The following CEP128 variants were observed in gnomAD, a reference collection of about 807,000 sequenced individuals.
CEP128 encodes centrosomal protein 128.
Under a neutral mutation model 156.7 loss-of-function variants are expected in CEP128, and 132 were observed. That is an observed-to-expected ratio of 0.84 (90% CI 0.73 to 0.97). The LOEUF is 0.97. Among genes scored for constraint, CEP128 ranks in the 50% least tolerant of loss-of-function variants. The pLI is 0.00. For synonymous variants in CEP128, 469 were observed against 448.9 expected (o/e 1.04, Z -0.57); for missense variants, 1,252 against 1,281.9 (o/e 0.98, Z 0.36).
At chr14:80,510,063 T>G (rs372892035) in intron 23 of CEP128, among the ~76,000 whole-genome samples, 26 of 152,190 alleles carry the variant, frequency 1.7e-4, no homozygotes, top group African/African-American at 5.5e-4. Context: ...ATGTGATTCC[T>G]CCAGCTTGGT....
At chr14:80,571,803 C>CA (rs35580958) in intron 20 of CEP128, among the ~76,000 whole-genome samples, 17 of 133,790 alleles carry the variant, frequency 1.3e-4, no homozygotes, top group South Asian at 5.0e-4. Flanking sequence ...CAAATCAGAA[C>CA]AAAAAAAAAG....
chr14:80,892,079 G>T (rs74894132), intron 8 of CEP128, among the ~76,000 whole-genome samples: 12,599 of 151,154 alleles, frequency 0.083, 585 homozygotes, highest in African/African-American at 0.11. Flanking sequence ...CCTAAAATTT[G>T]TATGGAAACA....
At chr14:80,810,910 C>T (rs1417245537) in intron 13 of CEP128, among the ~76,000 whole-genome samples, 1 of 152,144 alleles carries the variant, frequency 6.6e-6, no homozygotes, top group Admixed American at 6.6e-5. Context: ...GTTTAGCATG[C>T]ATTAGCTATT....
At chr14:80,509,678 C>CACA (rs1242029957) in intron 23 of CEP128, among the ~76,000 whole-genome samples, 3 of 152,118 alleles carry the variant, frequency 2.0e-5, no homozygotes, top group African/African-American at 7.2e-5. Flanking sequence ...GTTGCCTGTA[C>CACA]TTCTGGGGTA....
intron 20 of CEP128, among the ~76,000 whole-genome samples, chr14:80,566,034 C>G (rs1890893917): frequency 6.6e-6 from 1 of 152,148 alleles, no homozygotes; most frequent in African/African-American, 2.4e-5. Context: ...TAGAATAATT[C>G]TGGCAACTTC....
intron 13 of CEP128, among the ~76,000 whole-genome samples, chr14:80,802,880 A>G (rs1313176868): frequency 6.6e-6 from 1 of 152,214 alleles, no homozygotes; most frequent in East Asian, 1.9e-4. Context: ...CCTTTTAAAC[A>G]GGAATGGACT....
At chr14:80,587,731 G>C (rs1386405685) in intron 19 of CEP128, among the ~76,000 whole-genome samples, 1 of 152,142 alleles carries the variant, frequency 6.6e-6, no homozygotes, top group African/African-American at 2.4e-5. Context: ...ACACATCACT[G>C]TTCTAAATTG....
At position 80,729,059 on chromosome 14, in the gene CEP128, GTGTGT is replaced by G. The variant is rs1566880984; in HGVS notation, c.2806+14011_2806+14015del. 2.2e-3 allele frequency among the ~76,000 whole-genome samples: 37 copies of G among 16,476 alleles called. 2 individuals are homozygous for G. Among genetic ancestry groups the G allele is most frequent in the African/African-American group, 7.0e-3 (36 of 5,164 alleles). 10.8% of individuals were successfully genotyped at this position (16,476 alleles called of 152,430 possible). ...CTAGTCCCAGGCTGGGCTGGTGGGG[GTGTGT>G]GTGTGTGTGTGTGTGTGTGTGTGTG... On this transcript the variant is annotated intron_variant, in intron 19 of 24. Transcript: ENST00000555265.
chr14:80,778,108 C>T (rs1900901150), intron 15 of CEP128, 62 bp from the exon 16 acceptor site: 1 of 1,364,590 alleles, frequency 7.3e-7, no homozygotes, highest in South Asian at 1.2e-5. Flanking sequence ...ACACCAAACA[C>T]ATTACATATT....
At chr14:80,721,685 A>C (rs1897822996) in intron 19 of CEP128, among the ~76,000 whole-genome samples, 1 of 152,196 alleles carries the variant, frequency 6.6e-6, no homozygotes. Flanking sequence ...ACAGCTCCAT[A>C]ATGATGTACA....
chr14:80,656,282 T>C (rs1895143462), intron 19 of CEP128, among the ~76,000 whole-genome samples: 1 of 7,338 alleles, frequency 1.4e-4, no homozygotes, highest in Non-Finnish European at 2.5e-4. Context: ...TTTTTATTTA[T>C]ATATATATTT....
At chr14:80,736,743 A>G (rs327455) in intron 19 of CEP128, among the ~76,000 whole-genome samples, 3,330 of 152,332 alleles carry the variant, frequency 0.022, 131 homozygotes, top group African/African-American at 0.076. Flanking sequence ...GCTCAGAGAT[A>G]TTTACAGTTA....
intron 14 of CEP128, among the ~76,000 whole-genome samples, chr14:80,481,283 G>A (rs1002088345): frequency 3.3e-5 from 5 of 152,152 alleles, no homozygotes; most frequent in African/African-American, 4.8e-5. Flanking sequence ...AGAAAAATGA[G>A]AAAGAAGCAA....
chr14:80,718,073 C>T lies in CEP128; in HGVS notation c.2806+25002G>A, dbSNP rs1897676908. Among the ~76,000 whole-genome samples, 2 of 152,042 alleles carry T rather than the reference C, an allele frequency of 1.3e-5. 1 individual carries two copies. The highest frequency in any genetic ancestry group is 4.1e-4 in the South Asian group (2 of 4,820). On this transcript the variant is annotated intron_variant, in intron 19 of 24. Transcript: ENST00000555265. ...GGTTTTTTGAAGAGATGAAGTTTTT[C>T]CATGTTGCCAAGGCTGGTGATCCTC...
intron 19 of CEP128, among the ~76,000 whole-genome samples, chr14:80,639,368 C>G (rs1435105433): frequency 6.6e-6 from 1 of 151,988 alleles, no homozygotes; most frequent in African/African-American, 2.4e-5. Context: ...CAAGAAACAC[C>G]AATATGTTCT....
intron 20 of CEP128, among the ~76,000 whole-genome samples, chr14:80,570,003 A>G (rs1891070849): frequency 2.0e-5 from 3 of 152,198 alleles, no homozygotes; most frequent in Admixed American, 2.0e-4. Context: ...GGACACTGGT[A>G]TGTGTTATGG....
At chr14:80,630,884 T>TA (rs1387703166) in intron 19 of CEP128, among the ~76,000 whole-genome samples, 1 of 152,040 alleles carries the variant, frequency 6.6e-6, no homozygotes, top group South Asian at 2.1e-4. Context: ...AAGGTAAACT[T>TA]ACAAACGCTG....
At chr14:80,810,332 A>AAAAAAAAAAAAAAAAAC (rs1455857936) in intron 13 of CEP128, among the ~76,000 whole-genome samples, 1 of 145,218 alleles carries the variant, frequency 6.9e-6, no homozygotes, top group Non-Finnish European at 1.5e-5. Context: ...CCAAAAAAAA[A>AAAAAAAAAAAAAAAAAC]AAAAAAAAAA....
chr14:80,510,070 T>G (rs1888172615), intron 23 of CEP128, among the ~76,000 whole-genome samples: 1 of 152,162 alleles, frequency 6.6e-6, no homozygotes, highest in African/African-American at 2.4e-5. Flanking sequence ...TCCTCCAGCT[T>G]GGTTCTTTTT....
Sources: allele counts gnomAD v4.1 joint callset (sites outside exome capture counted in the v4.1 genomes callset), GRCh38; gene constraint gnomAD v4.1.1; transcripts MANE v1.5; gene names NCBI Gene and HGNC (gene_info 2026-07-23, HGNC 2026-07-21).